The following MON2 variants were observed in gnomAD, a reference collection of about 807,000 sequenced individuals.
MON2 encodes the protein protein MON2 homolog.
A neutral mutation model predicts 208.6 loss-of-function variants in MON2; 84 were observed. The observed-to-expected ratio is 0.40, with a 90% CI of 0.34 to 0.48. The LOEUF (loss-of-function observed/expected upper bound fraction) is 0.48, where lower values mean the gene tolerates loss of function less well. Ranked by LOEUF, MON2 falls within the 20% of genes least tolerant of loss-of-function variation. The pLI is 0.59. For missense variants in MON2, 1,611 were observed against 2,015.4 expected (o/e 0.80, Z 3.84); for synonymous variants, 660 against 694.0 (o/e 0.95, Z 0.77).
At chr12:62,588,250 A>G in intron 34 of MON2, 94 bp downstream of exon 34, 2 of 827,148 alleles carry the variant, frequency 2.4e-6, no homozygotes, top group Non-Finnish European at 3.8e-6. Context: ...TTATAGGAAC[A>G]TAGCAGTCAT....
chr12:62,508,328 C>T lies in MON2; in HGVS notation c.832C>T (p.Leu278Phe). 6.2e-7 allele frequency: 1 copy of T among 1,614,052 alleles called. No individual in the cohort carries two copies. The highest frequency in any genetic ancestry group is 1.1e-5 in the South Asian group (1 of 91,080). The stretch of plus-strand genomic sequence containing the variant: ...CCTCCTCAAAGAAAGGGTATGTCCT[C>T]TTGTGATAAAGCTCTTTTCTCCAAA... The part of the protein sequence containing the change: ...SFLLKERVCP[L>F]VIKLFSPNIK... The change falls in exon 8 of 35, where the codon CTT becomes TTT. Residue 278 changes from leucine (L) to phenylalanine (F), a missense_variant. Physicochemically the swap from Leu to Phe is conservative, Grantham distance 22. Coordinates refer to ENST00000393630, the MANE Select transcript of MON2 (RefSeq NM_015026.3).
rs1489335981 is a variant in MON2 at position 62,600,204 on chromosome 12, T to C, written c.*7455T>C. On this transcript the variant is annotated 3_prime_UTR_variant, in exon 35 of 35. Transcript: ENST00000393630. ...GCTGTGCCTGGAGCATCATCACCAC[T>C]AGGTGGTTAGGGAAGTAAAACACAT... is the stretch of plus-strand genomic sequence containing the variant. 1 of 152,232 alleles carries C rather than the reference T, an allele frequency of 6.6e-6. No individual in the cohort carries two copies. Among genetic ancestry groups the C allele is most frequent in the African/African-American group, 2.4e-5 (1 of 41,464 alleles). The allele number at this position is 152,232 out of a possible 1,614,324, so 9.4% of individuals were successfully genotyped here. A position where few individuals can be genotyped will look rare whatever the true frequency, so the allele number is the denominator to read the frequency against.
chr12:62,501,787 C>A, intron 7 of MON2, 89 bp downstream of exon 7: 1 of 1,469,302 alleles, frequency 6.8e-7, no homozygotes, highest in Non-Finnish European at 9.4e-7. Flanking sequence ...TTTTTTCCAC[C>A]TTAAAAGTGG....
intron 2 of MON2, chr12:62,484,857 C>A (rs1313763009): frequency 6.7e-6 from 1 of 149,872 alleles, no homozygotes; most frequent in African/African-American, 2.5e-5. Context: ...ACTCCTTTCT[C>A]TTCCTTGGTG....
At chr12:62,588,889 T>C in intron 34 of MON2, 1 of 1,477,668 alleles carries the variant, frequency 6.8e-7, no homozygotes. Flanking sequence ...CCACCCTACT[T>C]TTAAACCTTG....
chr12:62,497,155 T>G (rs2070546929), intron 4 of MON2, among the ~76,000 whole-genome samples: 2 of 99,848 alleles, frequency 2.0e-5, no homozygotes, highest in Non-Finnish European at 2.0e-5. Flanking sequence ...TGGGGCCTGT[T>G]GTGGGGTTGG....
At chr12:62,501,721 T>C (rs769434825) in intron 7 of MON2, 23 bp downstream of exon 7, 14 of 1,611,900 alleles carry the variant, frequency 8.7e-6, no homozygotes, top group Non-Finnish European at 1.2e-5. Context: ...TAGTATCTTG[T>C]GACAAAGTTA....
chr12:62,489,333 A>G (rs997382500), intron 2 of MON2, among the ~76,000 whole-genome samples: 5 of 152,100 alleles, frequency 3.3e-5, no homozygotes, highest in African/African-American at 1.2e-4. Context: ...CTAGATGTTG[A>G]TCATTTTTTC....
At chr12:62,590,937 G>A (rs1289850520) in intron 34 of MON2, among the ~76,000 whole-genome samples, 1 of 152,214 alleles carries the variant, frequency 6.6e-6, no homozygotes, top group Non-Finnish European at 1.5e-5. Context: ...TTACAGGCGT[G>A]AGCCACCACG....
In MON2 at chr12:62,470,359, T is replaced by C. The variant is rs564024555; in HGVS notation, c.111+3041T>C. ...TACATGGTTTTTCCTACCTTACTGTTTTCATTTATAACTCTATCCTTTGTA... is the reference window on the plus strand; with the variant it reads ...TACATGGTTTTTCCTACCTTACTGTCTTCATTTATAACTCTATCCTTTGTA... On this transcript the variant is annotated intron_variant, in intron 1 of 34. Coordinates refer to ENST00000393630, the MANE Select transcript of MON2 (RefSeq NM_015026.3). Among the ~76,000 whole-genome samples, 3 of 152,338 alleles carry C rather than the reference T, an allele frequency of 2.0e-5. No homozygotes were observed. In the East Asian group the frequency reaches 5.8e-4, roughly 29 times the overall value.
intron 25 of MON2, among the ~76,000 whole-genome samples, chr12:62,558,689 A>ATTTTT (rs35839265): frequency 7.2e-6 from 1 of 138,072 alleles, no homozygotes; most frequent in Admixed American, 7.3e-5. Flanking sequence ...TTATACCTCA[A>ATTTTT]TTTTTTTTTT....
chr12:62,467,902 G>A (rs1245901282), intron 1 of MON2, among the ~76,000 whole-genome samples: 2 of 151,902 alleles, frequency 1.3e-5, no homozygotes, highest in Non-Finnish European at 2.9e-5. Context: ...CAGTCAGAGC[G>A]AATACACCTG....
intron 12 of MON2, among the ~76,000 whole-genome samples, chr12:62,533,230 C>T (rs2072744520): frequency 6.6e-6 from 1 of 152,162 alleles, no homozygotes; most frequent in Admixed American, 6.5e-5. Flanking sequence ...TGTATCATTA[C>T]ATTAGGAAGC....
intron 3 of MON2, 100 bp downstream of exon 3, chr12:62,494,142 C>G: frequency 8.9e-7 from 1 of 1,126,818 alleles, no homozygotes; most frequent in African/African-American, 1.6e-5. Context: ...AAAACTTTTA[C>G]AAATAGCAAT....
intron 11 of MON2, among the ~76,000 whole-genome samples, chr12:62,527,801 G>A (rs1428579532): frequency 6.6e-6 from 1 of 150,580 alleles, no homozygotes; most frequent in African/African-American, 2.4e-5. Flanking sequence ...ATAATACTGA[G>A]CAGACACATA....
intron 24 of MON2, 65 bp downstream of exon 24, chr12:62,553,239 A>G (rs1169598549): frequency 1.5e-6 from 2 of 1,359,456 alleles, no homozygotes; most frequent in African/African-American, 2.9e-5. Flanking sequence ...ATACTTTTTC[A>G]GTTAAACTTA....
At chr12:62,583,592 A>G (rs2075082107) in intron 32 of MON2, among the ~76,000 whole-genome samples, 1 of 152,058 alleles carries the variant, frequency 6.6e-6, no homozygotes, top group Non-Finnish European at 1.5e-5. Context: ...GAAATATCAG[A>G]ATACCTGGGA....
intron 32 of MON2, among the ~76,000 whole-genome samples, chr12:62,582,180 C>G (rs182817562): frequency 3.3e-5 from 5 of 152,274 alleles, no homozygotes; most frequent in Admixed American, 3.3e-4. Flanking sequence ...ACAATATTCA[C>G]AATTAGGTAT....
intron 2 of MON2, among the ~76,000 whole-genome samples, chr12:62,492,944 T>G (rs1352093420): frequency 6.6e-6 from 1 of 151,344 alleles, no homozygotes; most frequent in East Asian, 2.0e-4. Context: ...GTGCCACTGC[T>G]CTCCAGCCTG....
Sources: gnomAD v4.1 joint callset for allele counts (sites outside exome capture counted in the v4.1 genomes callset) on GRCh38, gnomAD v4.1.1 for gene constraint, MANE v1.5 for transcripts, NCBI Gene and HGNC (gene_info 2026-07-23, HGNC 2026-07-21) for gene names.